BNIP5: variants seen among roughly 807,000 people sequenced by gnomAD.
BNIP5 encodes BCL2 interacting protein 5.
BNIP5 carries 61 observed loss-of-function variants against 67.3 expected under a neutral mutation model. The observed-to-expected ratio is 0.91, with a 90% confidence interval of 0.74 to 1.12. The LOEUF is 1.12. Ranked by LOEUF, BNIP5 falls within the 50% of genes most tolerant of loss-of-function variation. BNIP5 has a pLI of 0.00. For missense variants in BNIP5, 826 were observed against 816.3 expected (o/e 1.01, Z -0.14); for synonymous variants, 317 against 319.0 (o/e 0.99, Z 0.07).
At chr6:36,326,293 T>C (rs186753897) in intron 5 of BNIP5, among the ~76,000 whole-genome samples, 166 of 152,316 alleles carry the variant, frequency 1.1e-3, no homozygotes, top group African/African-American at 3.8e-3. Context: ...CAAGGGCTTA[T>C]TGGGGTTGCC....
At chr6:36,318,481 G>A (rs556650245) in intron 11 of BNIP5, among the ~76,000 whole-genome samples, 4 of 151,950 alleles carry the variant, frequency 2.6e-5, no homozygotes, top group African/African-American at 9.7e-5. Context: ...GCCAAGGTGG[G>A]AAGATTTCTT....
At chr6:36,328,429 T>C (rs1019466388) in intron 3 of BNIP5, among the ~76,000 whole-genome samples, 169 bp downstream of exon 3, 7 of 152,202 alleles carry the variant, frequency 4.6e-5, no homozygotes, top group Non-Finnish European at 1.5e-5. Context: ...TCTGTGAAAT[T>C]CTAAAATAAG....
intron 1 of BNIP5, among the ~76,000 whole-genome samples, chr6:36,335,752 A>C (rs184837069): frequency 6.6e-6 from 1 of 152,326 alleles, no homozygotes; most frequent in Non-Finnish European, 1.5e-5. Context: ...TGGGGCACTG[A>C]GGCTCCGGAC....
chr6:36,317,280 G>A lies in BNIP5; in HGVS notation c.*76C>T. 8.8e-7 allele frequency: 1 copy of A among 1,137,946 alleles called. No homozygotes were observed. The highest frequency in any genetic ancestry group is 1.2e-5 in the South Asian group (1 of 81,604). The allele number at this position is 1,137,946 out of a possible 1,614,324, so 70.5% of individuals were successfully genotyped here. On this transcript the variant is annotated 3_prime_UTR_variant, in exon 12 of 12. Coordinates refer to ENST00000437635, the MANE Select transcript of BNIP5 (RefSeq NM_001010903.5). ...GAAGCAGGGATTGGGACATCACAGA[G>A]CATCTTCAGGGTCTCCTGGCTAAAG... is the stretch of plus-strand genomic sequence containing the variant.
At position 36,319,611 on chromosome 6, in the gene BNIP5, C is replaced by A; in HGVS notation, c.1669-1G>T. On this transcript the variant is annotated splice_acceptor_variant, in intron 10 of 11. Coordinates refer to ENST00000437635, the MANE Select transcript of BNIP5 (RefSeq NM_001010903.5). LOFTEE classifies it high-confidence loss of function. ...TCTTAAAGCTGGGGTGGCGCCTGAT[C>A]TGGAAGTGGAAATGAAAACAGGTCA... is the stretch of plus-strand genomic sequence containing the variant. 1 of 1,608,532 alleles carries A rather than the reference C, an allele frequency of 6.2e-7. No homozygotes were observed. The highest frequency in any genetic ancestry group is 8.5e-7 in the Non-Finnish European group (1 of 1,175,642).
intron 7 of BNIP5, 24 bp from the exon 8 acceptor site, chr6:36,323,557 G>A: frequency 6.2e-7 from 1 of 1,613,222 alleles, no homozygotes; most frequent in Non-Finnish European, 8.5e-7. Flanking sequence ...GAGAGAAACT[G>A]AGTCAGGGCC....
chr6:36,330,490 C>G lies in BNIP5; in HGVS notation c.201G>C (p.Glu67Asp), dbSNP rs562851619. Reference protein sequence around the residue: ...RHSDSPAPSAEAHCTTAAAPT... With the variant: ...RHSDSPAPSADAHCTTAAAPT... ...GGGCTGCAGCGGTGGTGCAGTGAGC[C>G]TCTGCAGATGGAGCTGGGCTGTCTG... The change falls in exon 2 of 12, where the codon GAG (glutamate) becomes GAC (aspartate). Residue 67 changes from glutamate (E) to aspartate (D), a missense_variant. Coordinates refer to ENST00000437635, the MANE Select transcript of BNIP5 (RefSeq NM_001010903.5). 4 of 1,614,152 alleles carry G rather than the reference C, an allele frequency of 2.5e-6. No individual in the cohort carries two copies. In the African/African-American group the frequency reaches 4.0e-5, roughly 16 times the overall value.
intron 4 of BNIP5, 42 bp from the exon 5 acceptor site, chr6:36,326,795 G>A (rs764912856): frequency 4.3e-6 from 7 of 1,610,624 alleles, no homozygotes; most frequent in East Asian, 4.5e-5. Flanking sequence ...TCATGACACT[G>A]AGAGGGGGAA....
rs1302725771 is a variant in BNIP5 at position 36,330,627 on chromosome 6, G to T, written c.64C>A (p.Pro22Thr). ...TCCGAGCCTTTCCCGGGGGCCTGCGGCCTGTCCAGAGACCTGGCTTTCTTC... is the reference window on the plus strand; with the variant it reads ...TCCGAGCCTTTCCCGGGGGCCTGCGTCCTGTCCAGAGACCTGGCTTTCTTC... The part of the protein sequence containing the change: ...AEKKARSLDR[P>T]QAPGKGSESW... The change falls in exon 2 of 12, where the codon CCG becomes ACG. Residue 22 changes from proline (P) to threonine (T), a missense_variant. By Grantham distance (38) the Pro-to-Thr change is conservative. Coordinates refer to ENST00000437635, the MANE Select transcript of BNIP5 (RefSeq NM_001010903.5). The T allele has an allele frequency of 6.2e-7, 1 of 1,608,344 alleles. No individual in the cohort carries two copies. The highest frequency in any genetic ancestry group is 1.7e-5 in the Admixed American group (1 of 60,018).
At position 36,316,967 on chromosome 6, in the gene BNIP5, A is replaced by G. The variant is rs898904341; in HGVS notation, c.*389T>C. The G allele has an allele frequency of 4.7e-6, 2 of 423,074 alleles. No homozygotes were observed. The highest frequency in any genetic ancestry group is 4.2e-6 in the Non-Finnish European group (1 of 240,856). 26.2% of individuals were successfully genotyped at this position (423,074 alleles called of 1,614,324 possible). ...TAGAGATTAAATAAAAATTTAGTTT[A>G]AAAACTAGACTCAGTTAACATGAAC... On this transcript the variant is annotated 3_prime_UTR_variant, in exon 12 of 12. Coordinates refer to ENST00000437635, the MANE Select transcript of BNIP5 (RefSeq NM_001010903.5).
rs144675082 is a variant in BNIP5, at chr6:36,322,172, C to G, written c.1603+139G>C. On this transcript the variant is annotated intron_variant, in intron 9 of 11. Coordinates refer to ENST00000437635, the MANE Select transcript of BNIP5 (RefSeq NM_001010903.5). ...AAGGCCAAGCCTGTGCCCCCTGCCC[C>G]ATCCTAGAGTCTCCTGGGGTCTTTG... 2.8e-6 allele frequency: 3 copies of G among 1,082,664 alleles called. No individual in the cohort carries two copies. The African/African-American group carries it at 4.6e-5, about 17-fold the overall frequency. 67.1% of individuals were successfully genotyped at this position (1,082,664 alleles called of 1,614,324 possible).
At chr6:36,323,131 C>G (rs1314684866) in intron 8 of BNIP5, among the ~76,000 whole-genome samples, 162 bp downstream of exon 8, 1 of 152,246 alleles carries the variant, frequency 6.6e-6, no homozygotes, top group Admixed American at 6.5e-5. Context: ...TCTCCCCACA[C>G]TTCCACACCC....
intron 9 of BNIP5, among the ~76,000 whole-genome samples, 154 bp downstream of exon 9, chr6:36,322,157 C>T (rs1265314472): frequency 1.3e-5 from 2 of 152,220 alleles, no homozygotes; most frequent in African/African-American, 4.8e-5. Flanking sequence ...AAGGCCAAGC[C>T]TGTGCCCCCT....
chr6:36,326,401 T>A, intron 5 of BNIP5, 109 bp downstream of exon 5: 1 of 1,394,806 alleles, frequency 7.2e-7, no homozygotes, highest in South Asian at 1.4e-5. Flanking sequence ...AGTGCAAAAG[T>A]CAGACCAGGC....
At chr6:36,319,997 A>G (rs752211878) in intron 10 of BNIP5, among the ~76,000 whole-genome samples, 7 of 152,238 alleles carry the variant, frequency 4.6e-5, no homozygotes, top group Non-Finnish European at 7.3e-5. Context: ...CTGGTCATCC[A>G]TAAAATGTAA....
At position 36,326,591 on chromosome 6, in the gene BNIP5, G is replaced by A. The variant is rs200860032; in HGVS notation, c.955C>T (p.Pro319Ser). The change falls in exon 5 of 12, where the codon CCA (proline) becomes TCA (serine). Residue 319 changes from proline (P) to serine (S), a missense_variant. Coordinates refer to ENST00000437635, the MANE Select transcript of BNIP5 (RefSeq NM_001010903.5). ...GACTTCTTGGGTGGCCAGGCCTCTG[G>A]ACTGGAAACATCTGCAGCCCCCCTC... ...AKRGAADVSSPEAWPPKKSSF... is the reference protein window; with the variant it reads ...AKRGAADVSSSEAWPPKKSSF... The A allele has an allele frequency of 3.8e-5, 61 of 1,614,134 alleles. No homozygotes were observed. The highest frequency in any genetic ancestry group is 5.1e-5 in the Non-Finnish European group (60 of 1,180,056).
chr6:36,320,445 T>A (rs1368165568), intron 10 of BNIP5, among the ~76,000 whole-genome samples: 25 of 152,180 alleles, frequency 1.6e-4, no homozygotes, highest in Non-Finnish European at 1.5e-5. Flanking sequence ...CATGGGGAAG[T>A]GGAGGCTGTT....
intron 2 of BNIP5, 107 bp from the exon 3 acceptor site, chr6:36,328,821 A>G: frequency 3.9e-6 from 3 of 774,954 alleles, no homozygotes; most frequent in Non-Finnish European, 7.0e-6. Context: ...CAGAATTCAC[A>G]GTGCAACAGG....
chr6:36,323,662 G>A (rs1231738556), intron 7 of BNIP5, 129 bp from the exon 8 acceptor site: 3 of 1,043,776 alleles, frequency 2.9e-6, no homozygotes, highest in Non-Finnish European at 4.2e-6. Flanking sequence ...GCTCAGTGCT[G>A]GGGAAATATG....
Sources: allele counts gnomAD v4.1 joint callset (sites outside exome capture counted in the v4.1 genomes callset), GRCh38; gene constraint gnomAD v4.1.1; transcripts MANE v1.5; gene names NCBI Gene and HGNC (gene_info 2026-07-23, HGNC 2026-07-21).